DNAJC13: variants seen among roughly 807,000 people sequenced by gnomAD.
The protein encoded by DNAJC13 is DnaJ heat shock protein family (Hsp40) member C13, also known as dnaJ homolog subfamily C member 13.
In DNAJC13, 75 loss-of-function variants were observed where a neutral mutation model predicts 290.5. The ratio of observed to expected loss-of-function variants is 0.26; its 90% CI spans 0.21 to 0.31. DNAJC13 has a LOEUF of 0.31. DNAJC13 is among the 10% of genes least tolerant of loss of function. The probability of loss-of-function intolerance (pLI) is 1.00; values close to 1 mark genes in which losing one functional copy is unlikely to be tolerated. For missense variants in DNAJC13, 2,260 were observed against 2,674.5 expected (o/e 0.85, Z 3.42); for synonymous variants, 862 against 892.0 (o/e 0.97, Z 0.60).
chr3:132,478,047 A>G lies in DNAJC13; in HGVS notation c.2616A>G (p.Leu872=). 2 of 1,613,680 alleles carry G rather than the reference A, an allele frequency of 1.2e-6. No individual in the cohort carries two copies. Among genetic ancestry groups the G allele is most frequent in the Non-Finnish European group, 1.7e-6 (2 of 1,179,874 alleles). The change falls in exon 24 of 56, where the codon TTA becomes TTG. Residue 872 remains leucine (L), a synonymous_variant. Coordinates refer to ENST00000260818, the MANE Select transcript of DNAJC13 (RefSeq NM_015268.4). ...LLTPKVNMKC[L]CLQALAIVYG... ...CCCCAAAAGTAAACATGAAGTGTTT[A>G]TGTTTACAAGCCCTTGCTATTGTTT...
Position 132,453,518 on chromosome 3 carries a change from G to A in DNAJC13, c.744+14G>A. ...CCTAGACATTCGGTAAGACCCATATGTTAAAAATGAAAATTTGTTCACCTG... is the reference window on the plus strand; with the variant it reads ...CCTAGACATTCGGTAAGACCCATATATTAAAAATGAAAATTTGTTCACCTG... On this transcript the variant is annotated intron_variant, in intron 7 of 55. Transcript: ENST00000260818. 2 of 1,610,986 alleles carry A rather than the reference G, an allele frequency of 1.2e-6. No homozygotes were observed. The highest frequency in any genetic ancestry group is 1.7e-6 in the Non-Finnish European group (2 of 1,178,886).
intron 8 of DNAJC13, 85 bp from the exon 9 acceptor site, chr3:132,453,981 G>A: frequency 9.5e-7 from 1 of 1,047,484 alleles, no homozygotes; most frequent in East Asian, 2.6e-5. Context: ...ACTGACTTTT[G>A]TAAGCTAAGT....
chr3:132,453,634 A>G lies in DNAJC13; in HGVS notation c.780A>G (p.Thr260=), dbSNP rs757375779. 6.2e-6 allele frequency: 10 copies of G among 1,613,408 alleles called. No homozygotes were observed. Among genetic ancestry groups the G allele is most frequent in the Admixed American group, 3.3e-5 (2 of 59,950 alleles). ...PVKRVLALTE[T]CLVERDPATY... ...AAAGAGTTCTAGCACTTACAGAAAC[A>G]TGTTTAGTAGAACGTGATCCGGCAA... is the stretch of plus-strand genomic sequence containing the variant. The change falls in exon 8 of 56, where the codon ACA becomes ACG. Residue 260 remains threonine, a synonymous_variant. Coordinates refer to ENST00000260818, the MANE Select transcript of DNAJC13 (RefSeq NM_015268.4).
chr3:132,502,573 T>A (rs1935453616), intron 40 of DNAJC13, 105 bp downstream of exon 40: 1 of 1,082,442 alleles, frequency 9.2e-7, no homozygotes, highest in Admixed American at 3.1e-5. Flanking sequence ...AGATAAATTG[T>A]TTTTCAGGAA....
intron 31 of DNAJC13, 53 bp downstream of exon 31, chr3:132,489,074 C>G: frequency 6.9e-7 from 1 of 1,455,064 alleles, no homozygotes; most frequent in South Asian, 1.2e-5. Flanking sequence ...TGTTTTGGCA[C>G]TATAAAGTTT....
chr3:132,457,496 A>C, intron 13 of DNAJC13, 128 bp downstream of exon 13: 1 of 728,792 alleles, frequency 1.4e-6, no homozygotes, highest in Non-Finnish European at 2.3e-6. Flanking sequence ...TCTCATAGTT[A>C]CTCAAACCTT....
chr3:132,532,826 T>C (rs1376302333), intron 55 of DNAJC13, among the ~76,000 whole-genome samples: 2 of 145,936 alleles, frequency 1.4e-5, no homozygotes, highest in Admixed American at 1.4e-4. Flanking sequence ...CAACCTCTGC[T>C]CCCTGGATTC....
At chr3:132,538,103 G>C in intron 55 of DNAJC13, 73 bp from the exon 56 acceptor site, 1 of 1,281,396 alleles carries the variant, frequency 7.8e-7, no homozygotes, top group South Asian at 1.3e-5. Flanking sequence ...AGCAGGTTCT[G>C]ACATTTTTAT....
In DNAJC13 at chr3:132,456,328, A is replaced by G. The variant is rs112893244; in HGVS notation, c.1026A>G (p.Arg342=). The change falls in exon 10 of 56, where the codon CGA becomes CGG. Residue 342 remains arginine (R), a synonymous_variant. Coordinates refer to ENST00000260818, the MANE Select transcript of DNAJC13 (RefSeq NM_015268.4). ...VKMTPTHKGQ[R]WGLLSMPVDE... ...TGACACCAACCCATAAAGGTCAGCG[A>G]TGGGGGTTACTCAGCATGCCTGTTG... The G allele has an allele frequency of 7.4e-6, 12 of 1,614,016 alleles. No individual in the cohort carries two copies. The African/African-American group carries it at 1.1e-4, about 14-fold the overall frequency.
intron 2 of DNAJC13, among the ~76,000 whole-genome samples, chr3:132,434,967 G>C (rs1050109150): frequency 6.6e-6 from 1 of 152,172 alleles, no homozygotes; most frequent in African/African-American, 2.4e-5. Context: ...TAACCTGTCT[G>C]TAGCCAACAT....
chr3:132,467,070 G>C, intron 19 of DNAJC13, 100 bp from the exon 20 acceptor site: 1 of 1,326,536 alleles, frequency 7.5e-7, no homozygotes, highest in Non-Finnish European at 1.0e-6. Flanking sequence ...ATAACATCCA[G>C]CATTAACCTT....
intron 29 of DNAJC13, 64 bp downstream of exon 29, chr3:132,484,736 T>TACCA (rs1433976557): frequency 7.0e-7 from 1 of 1,425,252 alleles, no homozygotes; most frequent in African/African-American, 1.4e-5. Context: ...TTATTATCAG[T>TACCA]ACCAGTCTTT....
chr3:132,453,572 AAT>A, intron 7 of DNAJC13, 25 bp from the exon 8 acceptor site: 1 of 1,607,258 alleles, frequency 6.2e-7, no homozygotes, highest in Non-Finnish European at 8.5e-7. Flanking sequence ...ATAACTTCTT[AAT>A]ATGTCTCAAT....
chr3:132,425,219 C>G (rs1169985810), intron 1 of DNAJC13, among the ~76,000 whole-genome samples: 3 of 152,034 alleles, frequency 2.0e-5, no homozygotes, highest in Admixed American at 2.0e-4. Flanking sequence ...CCTTACTACC[C>G]CTCCCTTTTT....
At chr3:132,454,659 G>A (rs1168282233) in intron 9 of DNAJC13, among the ~76,000 whole-genome samples, 1 of 151,876 alleles carries the variant, frequency 6.6e-6, no homozygotes, top group Admixed American at 6.6e-5. Flanking sequence ...TGTTTTTATA[G>A]TATTTCCAGT....
chr3:132,480,500 T>G, intron 26 of DNAJC13, 30 bp downstream of exon 26: 1 of 1,494,236 alleles, frequency 6.7e-7, no homozygotes, highest in Non-Finnish European at 9.3e-7. Flanking sequence ...TTTTACAAAT[T>G]TAACGTTCTT....
At chr3:132,431,910 G>T (rs181748092) in intron 1 of DNAJC13, among the ~76,000 whole-genome samples, 1 of 152,244 alleles carries the variant, frequency 6.6e-6, no homozygotes, top group East Asian at 1.9e-4. Flanking sequence ...TCTTACTGGG[G>T]TGATGCAAGT....
chr3:132,426,944 G>A (rs1176195200), intron 1 of DNAJC13, among the ~76,000 whole-genome samples: 3 of 151,748 alleles, frequency 2.0e-5, no homozygotes, highest in Non-Finnish European at 4.4e-5. Flanking sequence ...TAGTAAATAA[G>A]ATTGACTTGT....
At chr3:132,532,617 T>A (rs1417162197) in intron 55 of DNAJC13, among the ~76,000 whole-genome samples, 1 of 152,196 alleles carries the variant, frequency 6.6e-6, no homozygotes, top group Non-Finnish European at 1.5e-5. Flanking sequence ...TTATAGGCAG[T>A]ATAAAAACTT....
Sources: gnomAD v4.1 joint callset for allele counts (sites outside exome capture counted in the v4.1 genomes callset) on GRCh38, gnomAD v4.1.1 for gene constraint, MANE v1.5 for transcripts, NCBI Gene and HGNC (gene_info 2026-07-23, HGNC 2026-07-21) for gene names.